The following DTD1 variants were observed in gnomAD, a reference collection of about 807,000 sequenced individuals.
DTD1 encodes the protein D-tyrosyl-tRNA deacylase 1 homolog.
DTD1 carries 13 observed loss-of-function variants against 25.6 expected under a neutral mutation model. That is an observed-to-expected ratio of 0.51 (90% CI 0.33 to 0.81). The LOEUF (loss-of-function observed/expected upper bound fraction) is 0.81. Ranked by LOEUF, DTD1 falls within the 30% of genes least tolerant of loss-of-function variation. DTD1 has a pLI of 0.02. For missense variants in DTD1, 193 were observed against 266.4 expected, an observed-to-expected ratio of 0.72 and a Z score of 1.92; for synonymous variants, 110 against 103.6, an observed-to-expected ratio of 1.06 and a Z score of -0.37.
intron 5 of DTD1, among the ~76,000 whole-genome samples, chr20:18,747,455 G>A (rs2061304777): frequency 6.6e-6 from 1 of 152,156 alleles, no homozygotes; most frequent in Non-Finnish European, 1.5e-5. Context: ...TGGATCACAG[G>A]GAAGCATGAC....
chr20:18,672,915 T>C (rs1374974562), intron 4 of DTD1, among the ~76,000 whole-genome samples: 1 of 152,186 alleles, frequency 6.6e-6, no homozygotes, highest in African/African-American at 2.4e-5. Flanking sequence ...GCTTCCTAGA[T>C]GTAGAAGTCT....
chr20:18,596,105 C>T lies in DTD1; in HGVS notation c.234C>T (p.Ser78=), dbSNP rs1405434597. The T allele has an allele frequency of 1.9e-6, 3 of 1,614,164 alleles. No homozygotes were observed. The highest frequency in any genetic ancestry group is 2.5e-6 in the Non-Finnish European group (3 of 1,180,024). ...AACAGTACGAGATTCTGTGTGTCAG[C>T]CAGTTTACCCTCCAGTGTGTCCTGA... ...MDKQYEILCV[S]QFTLQCVLKG... is the part of the protein sequence containing the mutation. Residue 78 remains serine, a synonymous_variant, in exon 3 of 6, where the codon AGC becomes AGT. Transcript: ENST00000377452.
At chr20:18,687,401 G>A (rs1235963660) in intron 4 of DTD1, among the ~76,000 whole-genome samples, 1 of 152,186 alleles carries the variant, frequency 6.6e-6, no homozygotes, top group Non-Finnish European at 1.5e-5. Context: ...ATTAGAACTT[G>A]TACAGGAGTG....
At position 18,606,352 on chromosome 20, in the gene DTD1, T is replaced by C. The variant is rs1476213458; in HGVS notation, c.370+10111T>C. Reference sequence around the variant, plus strand: ...GTGGGAGTGTAAACTAGTTCAACCGTTGTGGAAGTCAGTGTGGCGATTCCT... The same window carrying C: ...GTGGGAGTGTAAACTAGTTCAACCGCTGTGGAAGTCAGTGTGGCGATTCCT... On this transcript the variant is annotated intron_variant, in intron 3 of 5. Transcript: ENST00000377452. Among the ~76,000 whole-genome samples, 6 of 132,946 alleles carry C rather than the reference T, an allele frequency of 4.5e-5. No homozygotes were observed. The South Asian group carries it at 1.5e-3, about 32-fold the overall frequency. The allele number at this position is 132,946 out of a possible 152,430, so 87.2% of individuals were successfully genotyped here.
chr20:18,717,318 G>C (rs1450140179), intron 4 of DTD1, among the ~76,000 whole-genome samples: 3 of 152,192 alleles, frequency 2.0e-5, no homozygotes, highest in Non-Finnish European at 4.4e-5. Context: ...ACCACAGTTA[G>C]TTTGATGCAG....
At chr20:18,695,494 C>A (rs866298759) in intron 4 of DTD1, among the ~76,000 whole-genome samples, 4 of 91,992 alleles carry the variant, frequency 4.3e-5, no homozygotes, top group African/African-American at 7.7e-5. Flanking sequence ...CCCTTCCTTT[C>A]CTTTCCCTTC....
intron 4 of DTD1, among the ~76,000 whole-genome samples, chr20:18,686,708 C>G (rs368114034): frequency 2.7e-5 from 4 of 150,874 alleles, no homozygotes; most frequent in East Asian, 3.9e-4. Flanking sequence ...TGTGAATTGC[C>G]TGTTCCTGTC....
intron 4 of DTD1, among the ~76,000 whole-genome samples, chr20:18,669,928 A>G (rs2060945738): frequency 6.6e-6 from 1 of 152,072 alleles, no homozygotes; most frequent in Non-Finnish European, 1.5e-5. Flanking sequence ...CTGTATCTCC[A>G]TTCCTGTCTC....
At chr20:18,706,868 C>T (rs1028502786) in intron 4 of DTD1, among the ~76,000 whole-genome samples, 1 of 152,190 alleles carries the variant, frequency 6.6e-6, no homozygotes, top group Admixed American at 6.5e-5. Flanking sequence ...TCTTTTTAAT[C>T]CCGTTAGCGG....
At chr20:18,594,326 G>T (rs1568638967) in intron 2 of DTD1, among the ~76,000 whole-genome samples, 1 of 152,132 alleles carries the variant, frequency 6.6e-6, no homozygotes, top group Admixed American at 6.5e-5. Flanking sequence ...TTTTACTAAG[G>T]TGGTGGCGGG....
intron 4 of DTD1, among the ~76,000 whole-genome samples, chr20:18,698,889 G>A (rs559275257): frequency 6.6e-6 from 1 of 152,286 alleles, no homozygotes; most frequent in Non-Finnish European, 1.5e-5. Flanking sequence ...CAGGTGCTGG[G>A]GTTCTGTTTT....
chr20:18,616,590 C>T (rs1600320923), intron 3 of DTD1, among the ~76,000 whole-genome samples: 1 of 151,846 alleles, frequency 6.6e-6, no homozygotes, highest in Non-Finnish European at 1.5e-5. Context: ...GAGTTCTAGA[C>T]CAGCCTGGGC....
At chr20:18,723,812 G>A (rs193054421) in intron 4 of DTD1, among the ~76,000 whole-genome samples, 132 of 152,262 alleles carry the variant, frequency 8.7e-4, no homozygotes, top group Non-Finnish European at 1.6e-3. Flanking sequence ...TTTTGCTACA[G>A]GTATCAAAAG....
rs549227105 is a variant in DTD1 at position 18,748,245 on chromosome 20, C to G, written c.*19+3974C>G. ...TTGGAGGTTTGTATTTTCAAAACAG[C>G]TTAAAAAATTCAAATACCACCTAGC... On this transcript the variant is annotated intron_variant, in intron 5 of 5. Transcript: ENST00000377452. 5.9e-4 allele frequency among the ~76,000 whole-genome samples: 89 copies of G among 152,104 alleles called. No individual in the cohort carries two copies. In the East Asian group the frequency reaches 9.5e-3, roughly 16 times the overall value.
intron 4 of DTD1, among the ~76,000 whole-genome samples, chr20:18,739,949 C>T (rs1340675966): frequency 6.6e-6 from 1 of 151,912 alleles, no homozygotes; most frequent in Non-Finnish European, 1.5e-5. Context: ...AGCATTACAT[C>T]ACTGGCAGAA....
intron 4 of DTD1, among the ~76,000 whole-genome samples, chr20:18,703,595 C>CCCCATGGGTTAAAAATAATTG (rs1483387728): frequency 6.6e-6 from 1 of 151,932 alleles, no homozygotes; most frequent in Non-Finnish European, 1.5e-5. Flanking sequence ...GTTTTTTTAA[C>CCCCATGGGTTAAAAATAATTG]CCCATGGGGC....
intron 4 of DTD1, among the ~76,000 whole-genome samples, chr20:18,686,316 C>T (rs1600368003): frequency 6.6e-6 from 1 of 152,200 alleles, no homozygotes; most frequent in Admixed American, 6.5e-5. Context: ...AAACCAATCT[C>T]CTATTGTTGG....
chr20:18,630,429 C>T (rs1338814067), intron 4 of DTD1: 4 of 152,014 alleles, frequency 2.6e-5, no homozygotes, highest in African/African-American at 4.8e-5. Context: ...GCGCGATCTC[C>T]GTTCATTGCA....
At position 18,628,091 on chromosome 20, in the gene DTD1, C is replaced by T. The variant is rs146240497; in HGVS notation, c.371-36C>T. 228 of 1,574,152 alleles carry T rather than the reference C, an allele frequency of 1.4e-4. No individual in the cohort carries two copies. In the African/African-American group the frequency reaches 2.5e-3, roughly 17 times the overall value. On this transcript the variant is annotated intron_variant, in intron 3 of 5. Transcript: ENST00000377452. ...GCTTTTGGATGGAGTAATCTGGTGT[C>T]TCCATCTTTGGTAACTGTTTGGATT...
Sources: allele counts gnomAD v4.1 joint callset (sites outside exome capture counted in the v4.1 genomes callset), GRCh38; gene constraint gnomAD v4.1.1; transcripts MANE v1.5; gene names NCBI Gene and HGNC (gene_info 2026-07-23, HGNC 2026-07-21).